The following DOCK11 variants were observed in gnomAD, a reference collection of about 807,000 sequenced individuals.
The protein encoded by DOCK11 is dedicator of cytokinesis protein 11.
Under a neutral mutation model 169.1 loss-of-function variants are expected in DOCK11, and 70 were observed. The observed-to-expected ratio is 0.41, with a 90% CI of 0.34 to 0.51. DOCK11 has a LOEUF of 0.51. DOCK11 is among the 20% of genes least tolerant of loss of function. The probability of loss-of-function intolerance (pLI) is 0.10; values close to 1 mark genes in which losing one functional copy is unlikely to be tolerated. For synonymous variants in DOCK11, 529 were observed against 541.3 expected (o/e 0.98, Z 0.32); for missense variants, 1,166 against 1,538.8 (o/e 0.76, Z 4.05).
At chrX:118,588,806 C>T (rs2013896581) in intron 18 of DOCK11, among the ~76,000 whole-genome samples, 1 of 111,929 alleles carries the variant, frequency 8.9e-6, no homozygotes, top group African/African-American at 3.2e-5. Flanking sequence ...CTATAAACTC[C>T]TTTCTCCTTG....
chrX:118,537,785 T>C (rs953700268), intron 1 of DOCK11, among the ~76,000 whole-genome samples: 41 of 112,135 alleles, frequency 3.7e-4, no homozygotes, highest in African/African-American at 1.3e-3. Context: ...GAGGATCCAT[T>C]GTTTCCTCTC....
At position 118,573,912 on chromosome X, in the gene DOCK11, T is replaced by C. The variant is rs1426651490; in HGVS notation, c.1283T>C (p.Leu428Pro). ...DLNPPSVREM[L>P]WGSSTQLASD... is the part of the protein sequence containing the mutation. ...AATCCCCCATCTGTCCGTGAAATGCTGTGGGGCTCTTCAACCCAACTGGCC... is the reference window on the plus strand; with the variant it reads ...AATCCCCCATCTGTCCGTGAAATGCCGTGGGGCTCTTCAACCCAACTGGCC... Residue 428 changes from leucine to proline, a missense_variant, in exon 12 of 53, where the codon CTG becomes CCG. Transcript: ENST00000276202. 3.3e-6 allele frequency: 4 copies of C among 1,209,892 alleles called. No homozygotes were observed. Among genetic ancestry groups the C allele is most frequent in the Non-Finnish European group, 4.5e-6 (4 of 895,131 alleles).
intron 1 of DOCK11, among the ~76,000 whole-genome samples, chrX:118,510,588 G>A (rs765029504): frequency 9.0e-6 from 1 of 111,408 alleles, no homozygotes; most frequent in Admixed American, 9.6e-5. Flanking sequence ...AGGTAGGGGT[G>A]TGTGTGGGTG....
At position 118,662,798 on chromosome X, in the gene DOCK11, G is replaced by C. The variant is rs372064522; in HGVS notation, c.5076+6G>C. ...TGGATGTCCATTATAGTGAAGTAAG[G>C]ATTCCAGGGCCTGCATTGCCAGTTA... On this transcript the variant is annotated splice_donor_region_variant and intron_variant, in intron 45 of 52. Coordinates refer to ENST00000276202, the MANE Select transcript of DOCK11 (RefSeq NM_144658.4). 6 of 1,050,888 alleles carry C rather than the reference G, an allele frequency of 5.7e-6. No individual in the cohort carries two copies. The highest frequency in any genetic ancestry group is 7.9e-6 in the Non-Finnish European group (6 of 755,257). 86.6% of individuals were successfully genotyped at this position (1,050,888 alleles called of 1,213,427 possible).
chrX:118,684,180 T>A (rs1428153291), intron 52 of DOCK11, among the ~76,000 whole-genome samples: 1 of 111,508 alleles, frequency 9.0e-6, no homozygotes, highest in Non-Finnish European at 1.9e-5. Flanking sequence ...GACTGGATAT[T>A]CCTTGTCCCC....
At position 118,561,536 on chromosome X, in the gene DOCK11, T is replaced by A. The variant is rs1174906943; in HGVS notation, c.693+19T>A. On this transcript the variant is annotated intron_variant, in intron 7 of 52. Coordinates refer to ENST00000276202, the MANE Select transcript of DOCK11 (RefSeq NM_144658.4). ...TGTTCAGGTAAGGCCATTGAGGTAA[T>A]CCTTCTCTTTTTCTAACAGGGTTAT... 2 of 1,156,080 alleles carry A rather than the reference T, an allele frequency of 1.7e-6. No homozygotes were observed. Among genetic ancestry groups the A allele is most frequent in the Admixed American group, 5.3e-5 (2 of 37,777 alleles).
chrX:118,680,036 C>T, intron 48 of DOCK11, among the ~76,000 whole-genome samples: 1 of 103,692 alleles, frequency 9.6e-6, no homozygotes, highest in South Asian at 4.5e-4. Flanking sequence ...AAGTGATTCT[C>T]CTGCCTCAGC....
intron 31 of DOCK11, among the ~76,000 whole-genome samples, chrX:118,619,491 AAAAAAAAT>A (rs1435820954): frequency 1.0e-5 from 1 of 96,659 alleles, no homozygotes; most frequent in Non-Finnish European, 2.1e-5. Flanking sequence ...AAAAAAAAAA[AAAAAAAAT>A]ATATATATAT....
chrX:118,606,665 C>T (rs1232571975), intron 24 of DOCK11, among the ~76,000 whole-genome samples: 1 of 112,147 alleles, frequency 8.9e-6, no homozygotes, highest in Non-Finnish European at 1.9e-5. Flanking sequence ...AGGCCTCACA[C>T]CACAGCCACA....
Position 118,639,584 on chromosome X carries a change from G to A in DOCK11, c.4144+7G>A. The A allele has an allele frequency of 8.3e-7, 1 of 1,205,580 alleles. No homozygotes were observed. Among genetic ancestry groups the A allele is most frequent in the Non-Finnish European group, 1.1e-6 (1 of 891,386 alleles). ...TCATTTACACTTAATCACAGTAAGTGAAAATGTGTGTGTGGTACCCATTTG... is the reference window on the plus strand; with the variant it reads ...TCATTTACACTTAATCACAGTAAGTAAAAATGTGTGTGTGGTACCCATTTG... On this transcript the variant is annotated splice_region_variant and intron_variant, in intron 38 of 52. Coordinates refer to ENST00000276202, the MANE Select transcript of DOCK11 (RefSeq NM_144658.4).
chrX:118,553,214 T>G (rs1450644962), intron 6 of DOCK11, among the ~76,000 whole-genome samples: 1 of 112,192 alleles, frequency 8.9e-6, no homozygotes, highest in Non-Finnish European at 1.9e-5. Flanking sequence ...GACATCTGCT[T>G]TATTCAACTT....
At chrX:118,658,966 G>C (rs900650648) in intron 44 of DOCK11, among the ~76,000 whole-genome samples, 1 of 111,569 alleles carries the variant, frequency 9.0e-6, no homozygotes, top group Non-Finnish European at 1.9e-5. Context: ...CTTTCCCATA[G>C]AATCTGGTTT....
intron 29 of DOCK11, among the ~76,000 whole-genome samples, 157 bp from the exon 30 acceptor site, chrX:118,615,443 G>A (rs911358429): frequency 8.9e-6 from 1 of 112,137 alleles, no homozygotes; most frequent in African/African-American, 3.2e-5. Context: ...TAGCAGTCTT[G>A]GACCTGCTAT....
At chrX:118,619,002 C>T (rs2014893708) in intron 31 of DOCK11, among the ~76,000 whole-genome samples, 1 of 108,129 alleles carries the variant, frequency 9.2e-6, no homozygotes, top group African/African-American at 3.4e-5. Flanking sequence ...GGACTACAGG[C>T]GAGTGCCACC....
Position 118,566,952 on chromosome X carries a change from C to A in DOCK11, c.951+299C>A, listed in dbSNP as rs1007701473. Among the ~76,000 whole-genome samples, 4 of 111,996 alleles carry A rather than the reference C, an allele frequency of 3.6e-5. No individual in the cohort carries two copies. In the Admixed American group the frequency reaches 3.8e-4, roughly 11 times the overall value. The stretch of plus-strand genomic sequence containing the variant: ...TTTAATTTAATTACTGTATATCATT[C>A]ATAAAATATTCTTCTTCCAAAAGGA... On this transcript the variant is annotated intron_variant, in intron 9 of 52. Coordinates refer to ENST00000276202, the MANE Select transcript of DOCK11 (RefSeq NM_144658.4).
intron 1 of DOCK11, among the ~76,000 whole-genome samples, chrX:118,503,775 A>G (rs970598250): frequency 8.9e-6 from 1 of 111,735 alleles, no homozygotes; most frequent in Admixed American, 9.5e-5. Flanking sequence ...GACAGAGATG[A>G]AATTGTAGGC....
chrX:118,517,118 G>T (rs1603026519), intron 1 of DOCK11, among the ~76,000 whole-genome samples: 1 of 111,670 alleles, frequency 9.0e-6, no homozygotes, highest in East Asian at 2.8e-4. Flanking sequence ...GGGCACACTG[G>T]CTCACACCTG....
At chrX:118,641,835 G>A (rs2015541356) in intron 39 of DOCK11, among the ~76,000 whole-genome samples, 1 of 111,632 alleles carries the variant, frequency 9.0e-6, no homozygotes, top group African/African-American at 3.3e-5. Flanking sequence ...GGACGTGAGA[G>A]TGCTTTGAAA....
At chrX:118,578,462 A>G (rs980420771) in intron 12 of DOCK11, 63 bp from the exon 13 acceptor site, 4 of 1,145,959 alleles carry the variant, frequency 3.5e-6, no homozygotes, top group Admixed American at 2.3e-5. Context: ...AAAATCGTTA[A>G]CCATAAACAA....
Sources: gnomAD v4.1 joint callset for allele counts (sites outside exome capture counted in the v4.1 genomes callset) on GRCh38, gnomAD v4.1.1 for gene constraint, MANE v1.5 for transcripts, NCBI Gene and HGNC (gene_info 2026-07-23, HGNC 2026-07-21) for gene names.